Variants in NDC1 observed in about 807,000 individuals in gnomAD.
NDC1 encodes nucleoporin NDC1.
A neutral mutation model predicts 89.8 loss-of-function variants in NDC1; 24 were observed. The ratio of observed to expected loss-of-function variants is 0.27; its 90% confidence interval spans 0.19 to 0.38. The LOEUF (loss-of-function observed/expected upper bound fraction) is 0.38, where lower values mean the gene tolerates loss of function less well. Ranked by LOEUF, NDC1 falls within the 10% of genes least tolerant of loss-of-function variation. The probability of loss-of-function intolerance (pLI) is 1.00; values close to 1 mark genes in which losing one functional copy is unlikely to be tolerated. For synonymous variants in NDC1, 296 were observed against 284.8 expected (o/e 1.04, Z -0.39); for missense variants, 728 against 797.6 (o/e 0.91, Z 1.05).
At chr1:53,825,971 T>G (rs769554551) in intron 4 of NDC1, 35 bp from the exon 5 acceptor site, 1 of 1,604,788 alleles carries the variant, frequency 6.2e-7, no homozygotes, top group Non-Finnish European at 8.5e-7. Context: ...AATTCAACAG[T>G]CAGGGACATG....
intron 16 of NDC1, among the ~76,000 whole-genome samples, chr1:53,775,445 G>C (rs1181523341): frequency 1.3e-5 from 2 of 151,998 alleles, no homozygotes; most frequent in Non-Finnish European, 2.9e-5. Context: ...TTTTAGTAGA[G>C]ATAGGGTTTC....
chr1:53,813,681 G>T (rs1285114694), intron 6 of NDC1, among the ~76,000 whole-genome samples: 1 of 151,920 alleles, frequency 6.6e-6, no homozygotes, highest in Admixed American at 6.6e-5. Flanking sequence ...ACGATAGTGG[G>T]GGACTTCAAT....
chr1:53,788,587 C>T (rs1054569398), intron 15 of NDC1, among the ~76,000 whole-genome samples: 3 of 151,942 alleles, frequency 2.0e-5, no homozygotes, highest in Admixed American at 6.6e-5. Context: ...CCAGCATGCC[C>T]GGCTAATTTT....
chr1:53,773,022 T>C (rs1054147987), intron 16 of NDC1, among the ~76,000 whole-genome samples: 8 of 151,718 alleles, frequency 5.3e-5, no homozygotes, highest in African/African-American at 1.9e-4. Context: ...AATGCAAAGC[T>C]TGAAGTCAAA....
At position 53,767,904 on chromosome 1, in the gene NDC1, C is replaced by A; in HGVS notation, c.*66G>T. On this transcript the variant is annotated 3_prime_UTR_variant, in exon 18 of 18. Transcript: ENST00000371429. Reference sequence around the variant, plus strand: ...TCCGTTTTCTTCTGATCCAAGAATGCTGAACATTTACTGTCCCATCTGTAG... The same window carrying A: ...TCCGTTTTCTTCTGATCCAAGAATGATGAACATTTACTGTCCCATCTGTAG... 1.0e-6 allele frequency: 1 copy of A among 993,110 alleles called. No individual in the cohort carries two copies. The highest frequency in any genetic ancestry group is 1.7e-5 in the South Asian group (1 of 59,356). 61.5% of individuals were successfully genotyped at this position (993,110 alleles called of 1,614,324 possible).
At chr1:53,784,147 T>C (rs1027866341) in intron 16 of NDC1, among the ~76,000 whole-genome samples, 2 of 151,830 alleles carry the variant, frequency 1.3e-5, no homozygotes, top group African/African-American at 4.8e-5. Context: ...AAAAATGAAA[T>C]AGAATGAAAA....
intron 6 of NDC1, among the ~76,000 whole-genome samples, chr1:53,813,253 G>A (rs1040926587): frequency 1.3e-5 from 2 of 152,094 alleles, no homozygotes; most frequent in Non-Finnish European, 2.9e-5. Context: ...CAAAAAGCAT[G>A]GTGAATTCGA....
intron 4 of NDC1, among the ~76,000 whole-genome samples, chr1:53,827,352 C>T (rs1400845456): frequency 1.3e-5 from 2 of 151,946 alleles, no homozygotes; most frequent in Non-Finnish European, 2.9e-5. Context: ...TCATAGGGCA[C>T]TGCAGCCTCT....
chr1:53,780,395 AGTGGCACT>A (rs1647195910), intron 16 of NDC1, among the ~76,000 whole-genome samples: 2 of 152,196 alleles, frequency 1.3e-5, no homozygotes, highest in South Asian at 4.1e-4. Flanking sequence ...TTCTATGCAC[AGTGGCACT>A]GTGGCACTGA....
At chr1:53,827,430 C>A (rs1342167050) in intron 4 of NDC1, among the ~76,000 whole-genome samples, 1 of 152,262 alleles carries the variant, frequency 6.6e-6, no homozygotes, top group Non-Finnish European at 1.5e-5. Context: ...CACATGCCAC[C>A]ACTCCTGGCT....
intron 13 of NDC1, among the ~76,000 whole-genome samples, chr1:53,793,515 C>A (rs1352948221): frequency 6.6e-6 from 1 of 152,162 alleles, no homozygotes; most frequent in Non-Finnish European, 1.5e-5. Flanking sequence ...ACACGTTTAA[C>A]CCCCAAATTA....
intron 8 of NDC1, among the ~76,000 whole-genome samples, chr1:53,807,042 C>T (rs993320710): frequency 8.6e-5 from 13 of 151,864 alleles, no homozygotes; most frequent in Admixed American, 3.9e-4. Context: ...GTCAGGAGTT[C>T]GGCACCAACC....
chr1:53,807,894 C>T, intron 7 of NDC1, 103 bp from the exon 8 acceptor site: 1 of 1,042,090 alleles, frequency 9.6e-7, no homozygotes, highest in East Asian at 2.5e-5. Flanking sequence ...GTCTAAATAA[C>T]AATGTTGACA....
Position 53,788,432 on chromosome 1 carries a change from A to AT in NDC1, c.1699+700dup, listed in dbSNP as rs549869100. 8.8e-3 allele frequency among the ~76,000 whole-genome samples: 1,306 copies of AT among 148,580 alleles called. 20 individuals carry two copies. The highest frequency in any genetic ancestry group is 0.029 in the African/African-American group (1,167 of 40,596). ...ATAACCTCGTCCCTACAAAAAAAAA[A>AT]TTTTTTTTTTTGAGATGGAGTTGCG... On this transcript the variant is annotated intron_variant, in intron 15 of 17. Coordinates refer to ENST00000371429, the MANE Select transcript of NDC1 (RefSeq NM_018087.5).
Position 53,809,821 on chromosome 1 carries a change from G to T in NDC1, c.704-75C>A, listed in dbSNP as rs150065173. ...TTTTAGTCAAGCTTTAGAATATAAG[G>T]TCAATGACATGGCCACACAGACACC... is the stretch of plus-strand genomic sequence containing the variant. On this transcript the variant is annotated intron_variant, in intron 6 of 17. Coordinates refer to ENST00000371429, the MANE Select transcript of NDC1 (RefSeq NM_018087.5). 6.6e-3 allele frequency: 7,304 copies of T among 1,113,186 alleles called. 60 individuals carry two copies. The highest frequency in any genetic ancestry group is 8.3e-3 in the Non-Finnish European group (6,031 of 730,988). The allele number at this position is 1,113,186 out of a possible 1,614,324, so 69.0% of individuals were successfully genotyped here.
intron 16 of NDC1, among the ~76,000 whole-genome samples, chr1:53,773,352 C>T (rs1647135242): frequency 1.3e-5 from 2 of 152,140 alleles, no homozygotes; most frequent in South Asian, 4.1e-4. Context: ...AGCTCTTTAA[C>T]ATCATCTGTT....
chr1:53,819,683 C>G (rs1355952102), intron 5 of NDC1, among the ~76,000 whole-genome samples: 2 of 152,216 alleles, frequency 1.3e-5, no homozygotes, highest in African/African-American at 2.4e-5. Flanking sequence ...AAATGGGAGG[C>G]AGTGAAGAAG....
chr1:53,811,734 TCCCTCTC>T (rs1648313724), intron 6 of NDC1, among the ~76,000 whole-genome samples: 1 of 149,988 alleles, frequency 6.7e-6, no homozygotes, highest in Admixed American at 6.6e-5. Context: ...CCACTGCCAG[TCCCTCTC>T]CACACTACTA....
chr1:53,797,847 G>C (rs544851736), intron 11 of NDC1, among the ~76,000 whole-genome samples: 2 of 151,838 alleles, frequency 1.3e-5, no homozygotes, highest in Non-Finnish European at 2.9e-5. Context: ...GGTTGGTCTT[G>C]AACTCCTGGG....
Sources: allele counts gnomAD v4.1 joint callset (sites outside exome capture counted in the v4.1 genomes callset), GRCh38; gene constraint gnomAD v4.1.1; transcripts MANE v1.5; gene names NCBI Gene and HGNC (gene_info 2026-07-23, HGNC 2026-07-21).